KDM4C: variants seen among roughly 807,000 people sequenced by gnomAD.
KDM4C encodes lysine demethylase 4C.
Under a neutral mutation model 129.3 loss-of-function variants are expected in KDM4C, and 81 were observed. The ratio of observed to expected loss-of-function variants is 0.63; its 90% CI spans 0.52 to 0.75. The LOEUF (loss-of-function observed/expected upper bound fraction) is 0.75. Among genes scored for constraint, KDM4C ranks in the 30% least tolerant of loss-of-function variants. KDM4C has a pLI of 0.00. For missense variants in KDM4C, 1,457 were observed against 1,304.0 expected (o/e 1.12, Z -1.81); for synonymous variants, 573 against 456.1 (o/e 1.26, Z -3.26).
chr9:7,145,585 C>G (rs1253521190), intron 19 of KDM4C, among the ~76,000 whole-genome samples: 1 of 152,222 alleles, frequency 6.6e-6, no homozygotes, highest in Non-Finnish European at 1.5e-5. Context: ...CAGATCCATT[C>G]TGGAACGCTG....
intron 8 of KDM4C, among the ~76,000 whole-genome samples, chr9:6,899,750 T>A (rs1182951141): frequency 1.3e-5 from 2 of 152,212 alleles, no homozygotes; most frequent in African/African-American, 4.8e-5. Flanking sequence ...TCAGGTATGA[T>A]GGTATCAAAC....
rs116728359 is a variant in KDM4C at position 6,905,352 on chromosome 9, C to T, written c.921+12120C>T. 7.9e-3 allele frequency among the ~76,000 whole-genome samples: 1,203 copies of T among 152,210 alleles called. 21 individuals carry two copies. The highest frequency in any genetic ancestry group is 0.026 in the African/African-American group (1,099 of 41,520). On this transcript the variant is annotated intron_variant, in intron 8 of 21. Transcript: ENST00000381309. ...AACTCTTCTCGGTTGTATAATTTCC[C>T]CTCAAACTGACTCTACCAAGTGTTG... is the stretch of plus-strand genomic sequence containing the variant.
At chr9:6,965,435 AGTTT>A (rs1392653021) in intron 8 of KDM4C, among the ~76,000 whole-genome samples, 1 of 152,140 alleles carries the variant, frequency 6.6e-6, no homozygotes, top group African/African-American at 2.4e-5. Context: ...CCAGAACACA[AGTTT>A]GTTAGGGTTC....
chr9:6,909,613 T>TA (rs560729286), intron 8 of KDM4C, among the ~76,000 whole-genome samples: 121 of 149,706 alleles, frequency 8.1e-4, no homozygotes, highest in South Asian at 3.3e-3. Flanking sequence ...TGTATTTATG[T>TA]AAAAAAAAAA....
intron 12 of KDM4C, among the ~76,000 whole-genome samples, chr9:7,006,382 C>T (rs10975966): frequency 0.013 from 2,028 of 152,214 alleles, 22 homozygotes; most frequent in East Asian, 0.029. Flanking sequence ...ATTGCTTGAG[C>T]ATCAGAGGTG....
intron 8 of KDM4C, chr9:6,973,940 A>G (rs963899382): frequency 2.6e-5 from 4 of 152,226 alleles, no homozygotes; most frequent in African/African-American, 4.8e-5. Flanking sequence ...AGCATTGTGA[A>G]ACCTGTGAGA....
At chr9:6,798,970 GGCCGGGCAGAGAC>G (rs1396599622) in intron 2 of KDM4C, among the ~76,000 whole-genome samples, 3,706 of 125,470 alleles carry the variant, frequency 0.03, 164 homozygotes, top group African/African-American at 0.098. Flanking sequence ...GACGATGGGT[GGCCGGGCAGAGAC>G]GCTCCTCACT....
At chr9:7,122,358 A>T (rs568464890) in intron 18 of KDM4C, among the ~76,000 whole-genome samples, 5 of 151,424 alleles carry the variant, frequency 3.3e-5, no homozygotes, top group South Asian at 2.1e-4. Flanking sequence ...ATTAGAAACC[A>T]CCCCCGTGAT....
At chr9:6,850,502 G>A (rs965623351) in intron 5 of KDM4C, among the ~76,000 whole-genome samples, 3 of 152,030 alleles carry the variant, frequency 2.0e-5, no homozygotes, top group Non-Finnish European at 2.9e-5. Flanking sequence ...CTGGAGTGCA[G>A]TGGCGCGATC....
At chr9:7,033,472 GCAAAGGCC>G (rs1827125715) in intron 15 of KDM4C, among the ~76,000 whole-genome samples, 1 of 152,166 alleles carries the variant, frequency 6.6e-6, no homozygotes, top group Non-Finnish European at 1.5e-5. Flanking sequence ...ACCTTGGCCT[GCAAAGGCC>G]ATGGTGGTAA....
At chr9:7,109,716 G>T (rs1838102195) in intron 18 of KDM4C, among the ~76,000 whole-genome samples, 1 of 152,042 alleles carries the variant, frequency 6.6e-6, no homozygotes, top group Non-Finnish European at 1.5e-5. Flanking sequence ...CGTACCAGTT[G>T]ACCAAAATTT....
Position 6,986,645 on chromosome 9 carries a change from A to C in KDM4C, c.1656A>C (p.Arg552Ser). ...GEIPAVPSGE[R>S]NSFKVPSIAE... ...TCCCAGCGGTCCCCAGTGGAGAGAG[A>C]AATAGCTTCAAAGTCCCCAGTGTAT... Residue 552 changes from arginine (R) to serine (S), a missense_variant, in exon 11 of 22, where the codon AGA becomes AGC. By Grantham distance (110) the Arg-to-Ser change is moderately radical (BLOSUM62 -1). Coordinates refer to ENST00000381309, the MANE Select transcript of KDM4C (RefSeq NM_015061.6). The C allele has an allele frequency of 2.5e-6, 4 of 1,608,324 alleles. No homozygotes were observed. Among genetic ancestry groups the C allele is most frequent in the South Asian group, 1.1e-5 (1 of 90,820 alleles).
chr9:6,847,577 A>G (rs966120093), intron 4 of KDM4C, among the ~76,000 whole-genome samples: 2 of 152,110 alleles, frequency 1.3e-5, no homozygotes, highest in East Asian at 3.9e-4. Flanking sequence ...TTTTTAGTAG[A>G]GACAGGGTTT....
At chr9:7,031,714 G>C (rs1236439854) in intron 15 of KDM4C, among the ~76,000 whole-genome samples, 1 of 151,982 alleles carries the variant, frequency 6.6e-6, no homozygotes, top group Non-Finnish European at 1.5e-5. Flanking sequence ...ATAAAATATT[G>C]CTTGGTTATA....
At chr9:6,791,842 G>A (rs1324013791) in intron 1 of KDM4C, among the ~76,000 whole-genome samples, 1 of 152,060 alleles carries the variant, frequency 6.6e-6, no homozygotes, top group African/African-American at 2.4e-5. Context: ...GACCAACATG[G>A]AGAAACCCCA....
At chr9:6,809,268 A>G (rs1349828104) in intron 3 of KDM4C, among the ~76,000 whole-genome samples, 2 of 152,234 alleles carry the variant, frequency 1.3e-5, no homozygotes, top group African/African-American at 4.8e-5. Flanking sequence ...TTCAACAAAG[A>G]TTGGAAGCAT....
At chr9:6,791,607 G>T (rs768712020) in intron 1 of KDM4C, among the ~76,000 whole-genome samples, 1 of 152,190 alleles carries the variant, frequency 6.6e-6, no homozygotes, top group African/African-American at 2.4e-5. Context: ...GTAAACTAAC[G>T]ATTTTTAACA....
chr9:6,937,473 C>A (rs1206538035), intron 8 of KDM4C, among the ~76,000 whole-genome samples: 1 of 151,964 alleles, frequency 6.6e-6, no homozygotes, highest in Non-Finnish European at 1.5e-5. Context: ...TTTATTCTTC[C>A]TATGTGTAAT....
chr9:7,076,419 C>T (rs1216644346), intron 17 of KDM4C: 2 of 1,527,744 alleles, frequency 1.3e-6, no homozygotes, highest in Admixed American at 2.0e-5. Context: ...TTAAAATTTG[C>T]ATTGTGTTTT....
Sources: gnomAD v4.1 joint callset for allele counts (sites outside exome capture counted in the v4.1 genomes callset) on GRCh38, gnomAD v4.1.1 for gene constraint, MANE v1.5 for transcripts, NCBI Gene and HGNC (gene_info 2026-07-23, HGNC 2026-07-21) for gene names.